Variants in NETO1 observed in about 807,000 individuals in gnomAD.
The protein encoded by NETO1 is neuropilin and tolloid-like protein 1.
In NETO1, 26 loss-of-function variants were observed where a neutral mutation model predicts 61.3. That is an observed-to-expected ratio of 0.42 (90% CI 0.31 to 0.59). The LOEUF is 0.59. NETO1 is among the 20% of genes least tolerant of loss of function. NETO1 has a pLI of 0.12. For synonymous variants in NETO1, 225 were observed against 225.8 expected, an observed-to-expected ratio of 1.00 and a Z score of 0.03; for missense variants, 531 against 662.8, an observed-to-expected ratio of 0.80 and a Z score of 2.18.
chr18:72,785,391 T>C (rs2071879505), intron 6 of NETO1, among the ~76,000 whole-genome samples: 3 of 152,168 alleles, frequency 2.0e-5, no homozygotes. Flanking sequence ...TCCATGTCCA[T>C]TCACATTTCT....
chr18:72,834,807 A>T (rs1264036752), intron 4 of NETO1: 51 of 984,886 alleles, frequency 5.2e-5, no homozygotes, highest in Non-Finnish European at 5.9e-5. Flanking sequence ...AAAACTCCTC[A>T]GCTGAAGAAT....
At chr18:72,749,933 T>C (rs2070535982) in intron 9 of NETO1, 129 bp downstream of exon 9, 3 of 709,772 alleles carry the variant, frequency 4.2e-6, no homozygotes, top group East Asian at 2.7e-5. Context: ...AGGGAAACTA[T>C]TGGAAAACTA....
At chr18:72,799,823 G>A (rs1349044571) in intron 4 of NETO1, among the ~76,000 whole-genome samples, 1 of 152,218 alleles carries the variant, frequency 6.6e-6, no homozygotes, top group African/African-American at 2.4e-5. Flanking sequence ...GAGATTTCTT[G>A]TAGACAAATA....
At chr18:72,822,504 C>G (rs1217989208) in intron 4 of NETO1, among the ~76,000 whole-genome samples, 1 of 152,152 alleles carries the variant, frequency 6.6e-6, no homozygotes, top group Non-Finnish European at 1.5e-5. Context: ...GGGGCAGTTT[C>G]AAAGAATCTA....
chr18:72,814,123 A>G (rs543915464), intron 4 of NETO1, among the ~76,000 whole-genome samples: 1 of 152,224 alleles, frequency 6.6e-6, no homozygotes, highest in South Asian at 2.1e-4. Context: ...TGAAGTCTCC[A>G]GTTCAAGCAG....
intron 3 of NETO1, among the ~76,000 whole-genome samples, chr18:72,859,686 C>T (rs1328477187): frequency 6.6e-6 from 1 of 152,182 alleles, no homozygotes; most frequent in African/African-American, 2.4e-5. Flanking sequence ...TATCCCCTCA[C>T]AGAGAGCCTG....
chr18:72,835,271 G>A (rs759160339), intron 4 of NETO1: 43 of 1,570,694 alleles, frequency 2.7e-5, no homozygotes, highest in Non-Finnish European at 3.6e-5. Flanking sequence ...TGGAGAAGGA[G>A]AGATCACGAA....
At chr18:72,841,795 G>A (rs2073943122) in intron 4 of NETO1, among the ~76,000 whole-genome samples, 1 of 145,030 alleles carries the variant, frequency 6.9e-6, no homozygotes, top group African/African-American at 2.5e-5. Context: ...GCCCGAAATG[G>A]AACAATCACA....
rs188211926 is a variant in NETO1 at position 72,830,497 on chromosome 18, A to G, written c.469+28329T>C. On this transcript the variant is annotated intron_variant, in intron 4 of 10. Coordinates refer to ENST00000327305, the MANE Select transcript of NETO1 (RefSeq NM_138966.5). The surrounding 1 kb of genome is among the most constrained non-coding windows in gnomAD (Gnocchi z 4.9). ...GTCCAAAAAACAAACACAAATGACAAAAATAACAATGATCATAAGGTCTGA... is the reference window on the plus strand; with the variant it reads ...GTCCAAAAAACAAACACAAATGACAGAAATAACAATGATCATAAGGTCTGA... 6.6e-6 allele frequency among the ~76,000 whole-genome samples: 1 copy of G among 152,286 alleles called. No individual in the cohort carries two copies. The highest frequency in any genetic ancestry group is 1.9e-4 in the East Asian group (1 of 5,178).
intron 3 of NETO1, among the ~76,000 whole-genome samples, chr18:72,861,201 C>T (rs181784033): frequency 1.4e-4 from 21 of 152,284 alleles, no homozygotes; most frequent in Admixed American, 3.3e-4. Flanking sequence ...GGAAACATTC[C>T]GCCATTATGG....
chr18:72,854,373 A>G (rs1304941849), intron 4 of NETO1, among the ~76,000 whole-genome samples: 3 of 152,248 alleles, frequency 2.0e-5, no homozygotes, highest in African/African-American at 7.2e-5. Flanking sequence ...TTTGTTCCTT[A>G]AAACTAGTAC....
intron 3 of NETO1, among the ~76,000 whole-genome samples, chr18:72,860,614 G>C (rs1000529675): frequency 1.3e-5 from 2 of 152,072 alleles, no homozygotes; most frequent in East Asian, 1.9e-4. Flanking sequence ...ACATTGAAAA[G>C]AGACATTTAT....
chr18:72,821,770 C>T (rs1055705934), intron 4 of NETO1, among the ~76,000 whole-genome samples: 1 of 152,058 alleles, frequency 6.6e-6, no homozygotes, highest in Non-Finnish European at 1.5e-5. Context: ...ACACAGCAAG[C>T]AGGTGGCAAA....
intron 4 of NETO1, among the ~76,000 whole-genome samples, chr18:72,848,777 A>G (rs1246794013): frequency 3.3e-5 from 5 of 152,188 alleles, no homozygotes; most frequent in South Asian, 2.1e-4. Context: ...GAATAGTTAC[A>G]TAAGAATGTT....
In NETO1 at chr18:72,858,843, C is replaced by T. The variant is rs745312225; in HGVS notation, c.452G>A (p.Arg151Gln). Residue 151 changes from arginine to glutamine, a missense_variant, in exon 4 of 11, where the codon CGA becomes CAA. Arg to Gln is a conservative substitution (Grantham distance 43). Transcript: ENST00000327305. Reference protein sequence around the residue: ...GELESMGFSARYNFTPDPDFK... With the variant: ...GELESMGFSAQYNFTPDPDFK... ...TTACTTACCAGGTGTGAAATTGTAT[C>T]GAGCTGAAAATCCCATAGATTCCAG... 22 of 1,610,458 alleles carry T rather than the reference C, an allele frequency of 1.4e-5. No individual in the cohort carries two copies. Among genetic ancestry groups the T allele is most frequent in the East Asian group, 2.2e-5 (1 of 44,790 alleles).
At chr18:72,789,734 TG>T (rs1300016391) in intron 6 of NETO1, among the ~76,000 whole-genome samples, 1 of 152,184 alleles carries the variant, frequency 6.6e-6, no homozygotes, top group Non-Finnish European at 1.5e-5. Flanking sequence ...GACTGCTTAC[TG>T]GGGTCACCCT....
intron 4 of NETO1, among the ~76,000 whole-genome samples, chr18:72,823,022 G>A (rs192290567): frequency 6.6e-6 from 1 of 152,250 alleles, no homozygotes; most frequent in East Asian, 1.9e-4. Flanking sequence ...AAGCATCTCT[G>A]TATGTTTTGA....
chr18:72,829,089 C>T (rs1434658385), intron 4 of NETO1, among the ~76,000 whole-genome samples: 2 of 152,044 alleles, frequency 1.3e-5, no homozygotes, highest in Non-Finnish European at 2.9e-5. Context: ...TATTACAGCA[C>T]AACTTATATT....
rs769245160 is a variant in NETO1, at chr18:72,750,575, C to T, written c.1028G>A (p.Gly343Glu). The change falls in exon 9 of 11, where the codon GGG becomes GAG. Residue 343 changes from glycine to glutamate, a missense_variant. Transcript: ENST00000327305. ...GCAGGAAGTCACGCCAATGACAGTC[C>T]CACTGGTGTTGGTCAGCTGGTCCAG... The part of the protein sequence containing the change: ...SLLDQLTNTS[G>E]TVIGVTSCIV... 1.2e-6 allele frequency: 2 copies of T among 1,611,570 alleles called. No individual in the cohort carries two copies. The highest frequency in any genetic ancestry group is 4.5e-5 in the East Asian group (2 of 44,852).
Sources: gnomAD v4.1 joint callset for allele counts (sites outside exome capture counted in the v4.1 genomes callset) on GRCh38, gnomAD v4.1.1 for gene constraint, Gnocchi (gnomAD v3.1) non-coding constraint, MANE v1.5 for transcripts, NCBI Gene and HGNC (gene_info 2026-07-23, HGNC 2026-07-21) for gene names.